The following NRG3 variants were observed in gnomAD, a reference collection of about 807,000 sequenced individuals.
NRG3 encodes pro-neuregulin-3, membrane-bound isoform.
A neutral mutation model predicts 66.9 loss-of-function variants in NRG3; 31 were observed. That is an observed-to-expected ratio of 0.46 (90% CI 0.35 to 0.63). The LOEUF is 0.63. Among genes scored for constraint, NRG3 ranks in the 20% least tolerant of loss-of-function variants. The probability of loss-of-function intolerance (pLI) is 0.00; values close to 1 mark genes in which losing one functional copy is unlikely to be tolerated. For synonymous variants in NRG3, 393 were observed against 359.4 expected, an observed-to-expected ratio of 1.09 and a Z score of -1.06; for missense variants, 910 against 878.9, an observed-to-expected ratio of 1.04 and a Z score of -0.45.
chr10:82,830,330 A>G (rs1229992536), intron 3 of NRG3, among the ~76,000 whole-genome samples: 1 of 152,216 alleles, frequency 6.6e-6, no homozygotes. Context: ...CGCTAGGTCT[A>G]AGATATTTGA....
At chr10:81,950,955 GA>G (rs10713625) in intron 1 of NRG3, among the ~76,000 whole-genome samples, 15,340 of 149,840 alleles carry the variant, frequency 0.1, 1,063 homozygotes, top group African/African-American at 0.2. Context: ...TTGCCCTTGA[GA>G]AAAAAAAAAT....
intron 1 of NRG3, among the ~76,000 whole-genome samples, chr10:82,321,820 T>C (rs900803369): frequency 6.6e-6 from 1 of 152,192 alleles, no homozygotes; most frequent in African/African-American, 2.4e-5. Flanking sequence ...TAGAACCTTT[T>C]TCTCCCTCTA....
Position 82,624,357 on chromosome 10 carries a change from T to A in NRG3, c.954-114220T>A, listed in dbSNP as rs370629161. Among the ~76,000 whole-genome samples the A allele has an allele frequency of 2.0e-5, 3 of 152,252 alleles. No homozygotes were observed. The East Asian group carries it at 5.8e-4, about 29-fold the overall frequency. ...GCAGATTTATATTTAAGGTAGAAAT[T>A]CTCTTTTGCTCATTTCAACCTAATT... On this transcript the variant is annotated intron_variant, in intron 2 of 8. Coordinates refer to ENST00000372141, the MANE Select transcript of NRG3 (RefSeq NM_001010848.4).
At chr10:82,035,298 T>C (rs2062747939) in intron 1 of NRG3, among the ~76,000 whole-genome samples, 1 of 152,132 alleles carries the variant, frequency 6.6e-6, no homozygotes, top group Admixed American at 6.5e-5. Context: ...AACATGGATT[T>C]ATTTTAACTC....
rs143030666 is a variant in NRG3 at position 82,031,684 on chromosome 10, C to T, written c.823+155521C>T. Among the ~76,000 whole-genome samples the T allele has an allele frequency of 9.2e-5, 14 of 152,182 alleles. No individual in the cohort carries two copies. In the East Asian group the frequency reaches 2.5e-3, roughly 27 times the overall value. Reference sequence around the variant, plus strand: ...AATAATAACAGTGATAGTCCTCCTGCATCCAATAAACAAACGCACTTCTTG... The same window carrying T: ...AATAATAACAGTGATAGTCCTCCTGTATCCAATAAACAAACGCACTTCTTG... On this transcript the variant is annotated intron_variant, in intron 1 of 8. Transcript: ENST00000372141.
chr10:82,780,475 C>CTT (rs1409952252), intron 3 of NRG3, among the ~76,000 whole-genome samples: 17 of 109,470 alleles, frequency 1.6e-4, no homozygotes, highest in East Asian at 3.0e-4. Context: ...TTTTTTTTTT[C>CTT]TTTTCTTTTT....
At chr10:82,752,387 C>A (rs1048387875) in intron 3 of NRG3, among the ~76,000 whole-genome samples, 1 of 152,084 alleles carries the variant, frequency 6.6e-6, no homozygotes, top group South Asian at 2.1e-4. Context: ...ACTGTATAAA[C>A]GTATAAGTAA....
intron 1 of NRG3, among the ~76,000 whole-genome samples, chr10:82,174,339 C>T (rs1338406038): frequency 6.6e-6 from 1 of 151,942 alleles, no homozygotes; most frequent in East Asian, 1.9e-4. Context: ...TACCTCTTTC[C>T]AGCCACTTAA....
intron 2 of NRG3, among the ~76,000 whole-genome samples, chr10:82,524,703 A>G (rs1472623912): frequency 6.6e-6 from 1 of 151,730 alleles, no homozygotes; most frequent in Non-Finnish European, 1.5e-5. Flanking sequence ...TTTCCTGAAA[A>G]CTCATGTTCT....
At chr10:82,786,219 C>T (rs1446908610) in intron 3 of NRG3, among the ~76,000 whole-genome samples, 1 of 152,152 alleles carries the variant, frequency 6.6e-6, no homozygotes, top group Non-Finnish European at 1.5e-5. Context: ...GGGAGAGCTG[C>T]AGCCATAAGA....
At chr10:82,649,418 A>G (rs1471195046) in intron 2 of NRG3, among the ~76,000 whole-genome samples, 1 of 151,108 alleles carries the variant, frequency 6.6e-6, no homozygotes, top group Non-Finnish European at 1.5e-5. Flanking sequence ...ACTGGAACAA[A>G]CAGTAAATTC....
rs768534326 is a variant in NRG3 at position 81,875,590 on chromosome 10, A to G, written c.250A>G (p.Met84Val). 2.5e-6 allele frequency: 4 copies of G among 1,613,558 alleles called. No homozygotes were observed. Among genetic ancestry groups the G allele is most frequent in the East Asian group, 2.2e-5 (1 of 44,832 alleles). ...CTTCATCGGCCTGGGGCTCAGCCTC[A>G]TGCTTCTCAAATGGATCGTGGTGGG... is the stretch of plus-strand genomic sequence containing the variant. ...IGFIGLGLSL[M>V]LLKWIVVGSV... is the part of the protein sequence containing the mutation. The change falls in exon 1 of 9, where the codon ATG (methionine) becomes GTG (valine). Residue 84 changes from methionine (M) to valine (V), a missense_variant. Coordinates refer to ENST00000372141, the MANE Select transcript of NRG3 (RefSeq NM_001010848.4). This position sits in a 1 kb window ranked among gnomAD's most constrained non-coding sequence, Gnocchi z 5.3.
At chr10:82,946,269 A>C (rs1849009750) in intron 4 of NRG3, among the ~76,000 whole-genome samples, 1 of 151,474 alleles carries the variant, frequency 6.6e-6, no homozygotes, top group South Asian at 2.1e-4. Flanking sequence ...GGCGTGGAGC[A>C]TTGGCTCGCG....
At chr10:82,240,058 T>C (rs1236246487) in intron 1 of NRG3, among the ~76,000 whole-genome samples, 2 of 152,130 alleles carry the variant, frequency 1.3e-5, no homozygotes, top group Non-Finnish European at 2.9e-5. Flanking sequence ...TTTTCCTATT[T>C]GTGTGAGTCT....
Position 82,979,133 on chromosome 10 carries a change from A to T in NRG3, c.1583+13A>T. ...TACCTTGCCAAGGGTAGGTCTTAAA[A>T]CAGCAGTGGAATTTAGGGAGGGTGT... On this transcript the variant is annotated intron_variant, in intron 8 of 8. Coordinates refer to ENST00000372141, the MANE Select transcript of NRG3 (RefSeq NM_001010848.4). 6.2e-7 allele frequency: 1 copy of T among 1,613,256 alleles called. No homozygotes were observed. The highest frequency in any genetic ancestry group is 1.1e-5 in the South Asian group (1 of 90,994).
At chr10:82,916,233 C>T (rs1845820468) in intron 4 of NRG3, among the ~76,000 whole-genome samples, 1 of 152,132 alleles carries the variant, frequency 6.6e-6, no homozygotes, top group South Asian at 2.1e-4. Context: ...AGGAGGATTG[C>T]TTGAGCCCAG....
chr10:82,702,617 C>T (rs371512219), intron 2 of NRG3, among the ~76,000 whole-genome samples: 13 of 152,212 alleles, frequency 8.5e-5, no homozygotes, highest in African/African-American at 2.4e-4. Context: ...TGGAAGGGAA[C>T]GCAGTCCAGA....
intron 2 of NRG3, among the ~76,000 whole-genome samples, chr10:82,470,855 A>C (rs951417086): frequency 2.6e-5 from 4 of 152,076 alleles, no homozygotes; most frequent in African/African-American, 9.7e-5. Flanking sequence ...TGCCTCCTCA[A>C]GCTCCCCTGC....
chr10:82,351,677 G>A lies in NRG3; in HGVS notation c.824-7062G>A, dbSNP rs187136385. Among the ~76,000 whole-genome samples the A allele has an allele frequency of 1.6e-3, 251 of 152,256 alleles. 1 individual carries two copies. Among genetic ancestry groups the A allele is most frequent in the Non-Finnish European group, 7.9e-4 (54 of 68,022 alleles). ...TACTCACTGCTCACGTGTAAGTAAGGTAAAATTTGAGCAAGTGGAAAATGA... is the reference window on the plus strand; with the variant it reads ...TACTCACTGCTCACGTGTAAGTAAGATAAAATTTGAGCAAGTGGAAAATGA... On this transcript the variant is annotated intron_variant, in intron 1 of 8. Transcript: ENST00000372141.
Sources: allele counts gnomAD v4.1 joint callset (sites outside exome capture counted in the v4.1 genomes callset), GRCh38; gene constraint gnomAD v4.1.1; non-coding constraint Gnocchi (gnomAD v3.1); transcripts MANE v1.5; gene names NCBI Gene and HGNC (gene_info 2026-07-23, HGNC 2026-07-21).